Variants in CFAP47 observed in about 807,000 individuals in gnomAD.
The protein encoded by CFAP47 is cilia- and flagella-associated protein 47.
CFAP47 carries 29 observed loss-of-function variants against 148.1 expected under a neutral mutation model. That is an observed-to-expected ratio of 0.20 (90% CI 0.15 to 0.27). The LOEUF is 0.27. Ranked by LOEUF, CFAP47 falls within the 10% of genes least tolerant of loss-of-function variation. The probability of loss-of-function intolerance (pLI) is 1.00; values close to 1 mark genes in which losing one functional copy is unlikely to be tolerated. For synonymous variants in CFAP47, 664 were observed against 577.3 expected (o/e 1.15, Z -2.15); for missense variants, 1,872 against 1,697.5 (o/e 1.10, Z -1.81).
chrX:36,170,059 G>T (rs1017620329), intron 39 of CFAP47, among the ~76,000 whole-genome samples: 2 of 111,325 alleles, frequency 1.8e-5, no homozygotes, highest in African/African-American at 3.3e-5. Flanking sequence ...TGGATGCAAG[G>T]CTGCTGCAGA....
At chrX:36,149,349 T>A (rs1428815457) in intron 37 of CFAP47, 126 bp downstream of exon 37, 1 of 264,996 alleles carries the variant, frequency 3.8e-6, no homozygotes. Flanking sequence ...TCACTCACAG[T>A]CAGACAAATA....
At chrX:35,974,075 T>A (rs1936534105) in intron 13 of CFAP47, among the ~76,000 whole-genome samples, 1 of 111,857 alleles carries the variant, frequency 8.9e-6, no homozygotes, top group South Asian at 3.7e-4. Context: ...CCTTTCCTTA[T>A]ATAATACATA....
chrX:36,023,081 C>T (rs1270196965), intron 22 of CFAP47, among the ~76,000 whole-genome samples: 1 of 111,741 alleles, frequency 8.9e-6, no homozygotes, highest in East Asian at 2.8e-4. Context: ...TGTTCACATT[C>T]TGAGATTGTT....
chrX:36,039,123 T>G lies in CFAP47; in HGVS notation c.3951T>G (p.Val1317=), dbSNP rs1376807327. ...CTCCATTTATATTTTTCACTCCTGT[T>G]CCTTTGGATATAACAACTGTAATGG... The part of the protein sequence containing the change: ...FDPPFIFFTP[V]PLDITTVMDI... Residue 1317 remains valine (V), a synonymous_variant, in exon 25 of 64, where the codon GTT becomes GTG. Transcript: ENST00000378653. The G allele has an allele frequency of 9.1e-7, 1 of 1,104,916 alleles. No homozygotes were observed. The highest frequency in any genetic ancestry group is 2.0e-5 in the South Asian group (1 of 49,954). The allele number at this position is 1,104,916 out of a possible 1,213,427, so 91.1% of individuals were successfully genotyped here. A position where few individuals can be genotyped will look rare whatever the true frequency, so the allele number is the denominator to read the frequency against.
chrX:35,966,578 C>T lies in CFAP47; in HGVS notation c.1424C>T (p.Ser475Leu). 1.9e-6 allele frequency: 2 copies of T among 1,057,514 alleles called. No individual in the cohort carries two copies. The highest frequency in any genetic ancestry group is 2.5e-6 in the Non-Finnish European group (2 of 808,618). 87.2% of individuals were successfully genotyped at this position (1,057,514 alleles called of 1,213,427 possible). ...TTTTTTTTTTAGGATGTGATGTGTT[C>T]ATTTGTTCCACATCAACTTGGAGTC... ...TGGGMVDVMCSFVPHQLGVFK... is the reference protein window; with the variant it reads ...TGGGMVDVMCLFVPHQLGVFK... The change falls in exon 9 of 64, where the codon TCA becomes TTA. Residue 475 changes from serine to leucine, a missense_variant. Transcript: ENST00000378653.
At chrX:36,200,920 G>A (rs1201872871) in intron 43 of CFAP47, among the ~76,000 whole-genome samples, 1 of 110,791 alleles carries the variant, frequency 9.0e-6, no homozygotes. Flanking sequence ...GACAGTTCTT[G>A]GGAGTTTTTG....
At chrX:36,364,901 C>CATATATATATATAT (rs60748143) in intron 61 of CFAP47, among the ~76,000 whole-genome samples, 1 of 67,357 alleles carries the variant, frequency 1.5e-5, no homozygotes, top group Non-Finnish European at 3.1e-5. Flanking sequence ...ATATTTTGTG[C>CATATATATATATAT]ATATATATAT....
At chrX:36,353,439 T>C in intron 59 of CFAP47, 90 bp from the exon 60 acceptor site, 1 of 856,290 alleles carries the variant, frequency 1.2e-6, no homozygotes, top group Non-Finnish European at 1.6e-6. Flanking sequence ...AAGGAAGTTT[T>C]ATTTTTATGA....
chrX:36,024,031 C>G (rs1316143906), intron 22 of CFAP47, among the ~76,000 whole-genome samples: 2 of 112,068 alleles, frequency 1.8e-5, no homozygotes, highest in Non-Finnish European at 3.8e-5. Context: ...CTATAGCCAC[C>G]ACAGCTCTTA....
intron 51 of CFAP47, among the ~76,000 whole-genome samples, chrX:36,296,892 A>G (rs1339580466): frequency 8.0e-5 from 9 of 111,945 alleles, no homozygotes; most frequent in African/African-American, 2.9e-4. Context: ...AACTTTATAA[A>G]ATATGCCAGG....
Position 36,236,008 on chromosome X carries a change from A to G in CFAP47, c.7089A>G (p.Leu2363=). The G allele has an allele frequency of 1.9e-6, 1 of 517,593 alleles. No individual in the cohort carries two copies. The highest frequency in any genetic ancestry group is 3.5e-6 in the Non-Finnish European group (1 of 283,888). 42.7% of individuals were successfully genotyped at this position (517,593 alleles called of 1,213,427 possible). Residue 2363 remains leucine (L), a synonymous_variant, in exon 47 of 64, where the codon TTA becomes TTG. Coordinates refer to ENST00000378653, the MANE Select transcript of CFAP47 (RefSeq NM_001304548.2). ...AATGGTTTTATGGACCTGTTGATTT[A>G]CATGTTGGACCAGATGAAATTGTGG... ...EGEWFYGPVD[L]HVGPDEIVEY...
At chrX:35,935,855 A>G (rs923179892) in intron 2 of CFAP47, among the ~76,000 whole-genome samples, 2 of 111,554 alleles carry the variant, frequency 1.8e-5, no homozygotes, top group African/African-American at 6.5e-5. Flanking sequence ...CCATGGAGTC[A>G]GATGTGATAC....
intron 39 of CFAP47, among the ~76,000 whole-genome samples, chrX:36,177,204 G>A (rs1939694721): frequency 8.9e-6 from 1 of 111,974 alleles, no homozygotes; most frequent in South Asian, 3.7e-4. Context: ...CGTGCTCTTT[G>A]TATTTAAGCA....
chrX:36,278,313 C>A (rs782202234), intron 49 of CFAP47, among the ~76,000 whole-genome samples: 4 of 112,511 alleles, frequency 3.6e-5, no homozygotes, highest in Non-Finnish European at 7.5e-5. Flanking sequence ...TCCCCTCCCC[C>A]TGCCAGGCTG....
At chrX:36,167,886 A>G (rs933225279) in intron 39 of CFAP47, among the ~76,000 whole-genome samples, 17 of 111,620 alleles carry the variant, frequency 1.5e-4, no homozygotes, top group African/African-American at 5.2e-4. Context: ...AGAGAATTTC[A>G]AAGTGTTTTT....
intron 45 of CFAP47, among the ~76,000 whole-genome samples, chrX:36,220,145 G>A (rs1940198992): frequency 9.0e-6 from 1 of 111,483 alleles, no homozygotes; most frequent in African/African-American, 3.3e-5. Flanking sequence ...TTAGGTCACA[G>A]TCAAAAGGCA....
At chrX:35,949,140 A>AGT (rs201452327) in intron 4 of CFAP47, among the ~76,000 whole-genome samples, 5,150 of 86,869 alleles carry the variant, frequency 0.059, 127 homozygotes, top group South Asian at 0.097. Flanking sequence ...GCATCTGTGG[A>AGT]GTGTGTGTGT....
At chrX:36,298,252 C>G (rs1941262794) in intron 51 of CFAP47, among the ~76,000 whole-genome samples, 1 of 104,803 alleles carries the variant, frequency 9.5e-6, no homozygotes, top group African/African-American at 3.5e-5. Flanking sequence ...AGTTCATGTC[C>G]TTTGTAGGGA....
chrX:36,194,069 G>T (rs1939893334), intron 42 of CFAP47, among the ~76,000 whole-genome samples: 1 of 111,440 alleles, frequency 9.0e-6, no homozygotes, highest in African/African-American at 3.3e-5. Flanking sequence ...ATTCTACAAA[G>T]AAGTTGTAGA....
Sources: gnomAD v4.1 joint callset for allele counts (sites outside exome capture counted in the v4.1 genomes callset) on GRCh38, gnomAD v4.1.1 for gene constraint, MANE v1.5 for transcripts, NCBI Gene and HGNC (gene_info 2026-07-23, HGNC 2026-07-21) for gene names.